The following MCTP2 variants were observed in gnomAD, a reference collection of about 807,000 sequenced individuals.
MCTP2 encodes multiple C2 and transmembrane domain-containing protein 2.
In MCTP2, 132 loss-of-function variants were observed where a neutral mutation model predicts 111.6. The ratio of observed to expected loss-of-function variants is 1.18; its 90% CI spans 1.03 to 1.37. The LOEUF is 1.37. MCTP2 is among the 40% of genes most tolerant of loss of function. The pLI, the probability that MCTP2 is intolerant of heterozygous loss-of-function variation, is 0.00. For synonymous variants in MCTP2, 395 were observed against 387.7 expected (o/e 1.02, Z -0.22); for missense variants, 1,183 against 1,067.9 (o/e 1.11, Z -1.50).
chr15:94,333,583 G>A (rs930509425), intron 4 of MCTP2, among the ~76,000 whole-genome samples: 4 of 152,142 alleles, frequency 2.6e-5, no homozygotes, highest in African/African-American at 9.7e-5. Context: ...TACCAGCCAT[G>A]TTCTTCAATA....
intron 12 of MCTP2, among the ~76,000 whole-genome samples, chr15:94,370,512 C>G (rs760122263): frequency 1.1e-4 from 17 of 152,162 alleles, no homozygotes; most frequent in Admixed American, 5.2e-4. Context: ...CAAATGACAG[C>G]GATTCGACTT....
intron 2 of MCTP2, among the ~76,000 whole-genome samples, chr15:94,309,901 A>G (rs2076049466): frequency 6.6e-6 from 1 of 152,256 alleles, no homozygotes; most frequent in Admixed American, 6.5e-5. Flanking sequence ...GAGCTATGCA[A>G]GGGAAGACTA....
chr15:94,345,183 C>A lies in MCTP2; in HGVS notation c.1005+19C>A, dbSNP rs1400210704. The A allele has an allele frequency of 6.2e-7, 1 of 1,606,060 alleles. No homozygotes were observed. Among genetic ancestry groups the A allele is most frequent in the Admixed American group, 1.7e-5 (1 of 59,636 alleles). ...CAGCAAGGTAAATATACTTTTTTTT[C>A]CTTTAGATCATTTGGTTAAAAACTT... On this transcript the variant is annotated intron_variant, in intron 8 of 22. Transcript: ENST00000357742.
chr15:94,286,638 T>G (rs530095856), intron 1 of MCTP2, among the ~76,000 whole-genome samples: 1 of 152,350 alleles, frequency 6.6e-6, no homozygotes, highest in South Asian at 2.1e-4. Context: ...CTTTCCTACC[T>G]TGCGGTTCTT....
intron 17 of MCTP2, chr15:94,402,452 C>T (rs1404916354): frequency 5.8e-6 from 9 of 1,550,702 alleles, no homozygotes; most frequent in Non-Finnish European, 7.8e-6. Context: ...CCAGTTGGGA[C>T]ATACTGATCA....
chr15:94,290,515 G>A (rs971994779), intron 1 of MCTP2, among the ~76,000 whole-genome samples: 1 of 152,108 alleles, frequency 6.6e-6, no homozygotes, highest in African/African-American at 2.4e-5. Flanking sequence ...AACAGAACAA[G>A]AAGGAAATGA....
At chr15:94,432,337 C>T (rs1486975360) in intron 17 of MCTP2, among the ~76,000 whole-genome samples, 1 of 152,120 alleles carries the variant, frequency 6.6e-6, no homozygotes, top group African/African-American at 2.4e-5. Flanking sequence ...ATATAGCATT[C>T]TCTTAACGAT....
intron 19 of MCTP2, among the ~76,000 whole-genome samples, chr15:94,454,626 G>T (rs540519926): frequency 1.2e-4 from 18 of 150,980 alleles, no homozygotes; most frequent in African/African-American, 4.1e-4. Context: ...CTAAATTATG[G>T]TCATAATCAG....
rs2074781441 is a variant in MCTP2 at position 94,482,586 on chromosome 15, A to G, written c.*3552A>G. The G allele has an allele frequency of 6.6e-6, 1 of 152,184 alleles. No individual in the cohort carries two copies. The allele number at this position is 152,184 out of a possible 1,614,324, so 9.4% of individuals were successfully genotyped here. A position where few individuals can be genotyped will look rare whatever the true frequency, so the allele number is the denominator to read the frequency against. On this transcript the variant is annotated 3_prime_UTR_variant, in exon 23 of 23. Coordinates refer to ENST00000357742, the MANE Select transcript of MCTP2 (RefSeq NM_001385001.1). ...TCTCAGGTGACTGAAAAGCATCCAA[A>G]TAGGAATGTCAGCAAGGTAATGGAA...
chr15:94,431,025 A>G (rs1049128851), intron 17 of MCTP2, among the ~76,000 whole-genome samples: 1 of 152,102 alleles, frequency 6.6e-6, no homozygotes, highest in African/African-American at 2.4e-5. Flanking sequence ...CCTGATATAT[A>G]TAGTTTATTT....
chr15:94,358,356 T>C (rs182069858), intron 9 of MCTP2, 126 bp from the exon 10 acceptor site: 110 of 826,242 alleles, frequency 1.3e-4, no homozygotes, highest in Middle Eastern at 9.1e-4. Context: ...AAAAGAAGTT[T>C]ACCTTTATAA....
intron 17 of MCTP2, among the ~76,000 whole-genome samples, chr15:94,416,253 A>AT (rs796435448): frequency 0.011 from 1,664 of 147,192 alleles, 24 homozygotes; most frequent in African/African-American, 0.036. Flanking sequence ...GTGTAGAAGG[A>AT]TTTTTTTTTT....
chr15:94,262,839 T>C (rs1184725401), intron 1 of MCTP2, among the ~76,000 whole-genome samples: 1 of 152,034 alleles, frequency 6.6e-6, no homozygotes, highest in East Asian at 1.9e-4. Context: ...GCCATGTAAT[T>C]TTTATATTTT....
chr15:94,382,194 C>T (rs1023348789), intron 12 of MCTP2, among the ~76,000 whole-genome samples: 1 of 152,204 alleles, frequency 6.6e-6, no homozygotes, highest in African/African-American at 2.4e-5. Flanking sequence ...AAGCAGAGGC[C>T]ACAACAGACT....
At chr15:94,344,712 T>C (rs1390054505) in intron 7 of MCTP2, among the ~76,000 whole-genome samples, 1 of 152,222 alleles carries the variant, frequency 6.6e-6, no homozygotes. Flanking sequence ...TTCTAGCATC[T>C]AAAACTATGG....
At chr15:94,310,152 G>A (rs537765956) in intron 2 of MCTP2, among the ~76,000 whole-genome samples, 10 of 152,332 alleles carry the variant, frequency 6.6e-5, no homozygotes, top group Middle Eastern at 3.4e-3. Context: ...AAAGAATGAC[G>A]CAGATGACAA....
intron 17 of MCTP2, among the ~76,000 whole-genome samples, chr15:94,433,249 T>C (rs559940099): frequency 2.0e-5 from 3 of 152,332 alleles, no homozygotes; most frequent in African/African-American, 7.2e-5. Context: ...ATTTAGCATG[T>C]ATACATTTTC....
intron 21 of MCTP2, among the ~76,000 whole-genome samples, chr15:94,471,759 G>A (rs1396243253): frequency 7.3e-4 from 96 of 131,686 alleles, no homozygotes; most frequent in Admixed American, 8.5e-4. Context: ...GGCATATTTT[G>A]AAAAAAAAAA....
At chr15:94,429,322 C>T (rs570870087) in intron 17 of MCTP2, among the ~76,000 whole-genome samples, 2 of 152,256 alleles carry the variant, frequency 1.3e-5, no homozygotes, top group African/African-American at 4.8e-5. Flanking sequence ...TCATTTATTG[C>T]TACAGTCCCT....
Sources: allele counts gnomAD v4.1 joint callset (sites outside exome capture counted in the v4.1 genomes callset), GRCh38; gene constraint gnomAD v4.1.1; transcripts MANE v1.5; gene names NCBI Gene and HGNC (gene_info 2026-07-23, HGNC 2026-07-21).